Variants in B3GALT1 observed in about 807,000 individuals in gnomAD.
B3GALT1 encodes the protein UDP-Gal:betaGlcNAc beta 1,3-galactosyltransferase, polypeptide 1.
B3GALT1 carries 10 observed loss-of-function variants against 23.2 expected under a neutral mutation model. The ratio of observed to expected loss-of-function variants is 0.43; its 90% CI spans 0.27 to 0.73. B3GALT1 has a LOEUF of 0.73. B3GALT1 is among the 30% of genes least tolerant of loss of function. The pLI is 0.21. For synonymous variants in B3GALT1, 156 were observed against 141.5 expected, an observed-to-expected ratio of 1.10 and a Z score of -0.73; for missense variants, 299 against 405.4, an observed-to-expected ratio of 0.74 and a Z score of 2.25.
At chr2:167,613,143 A>C (rs1685100444) in intron 2 of B3GALT1, among the ~76,000 whole-genome samples, 2 of 151,982 alleles carry the variant, frequency 1.3e-5, no homozygotes, top group African/African-American at 4.8e-5. Context: ...AAAGTCTTAT[A>C]AATGTTCACA....
At chr2:167,813,721 G>A (rs1209199238) in intron 3 of B3GALT1, among the ~76,000 whole-genome samples, 1 of 152,152 alleles carries the variant, frequency 6.6e-6, no homozygotes, top group African/African-American at 2.4e-5. Context: ...TCTGATACAT[G>A]TGCAGCTTTG....
At chr2:167,848,356 T>G (rs1305988602) in intron 4 of B3GALT1, among the ~76,000 whole-genome samples, 1 of 152,144 alleles carries the variant, frequency 6.6e-6, no homozygotes, top group Non-Finnish European at 1.5e-5. Context: ...AAATACTAGC[T>G]AACCAAATCC....
intron 3 of B3GALT1, among the ~76,000 whole-genome samples, chr2:167,747,199 G>A (rs13426397): frequency 0.18 from 27,520 of 152,024 alleles, 2,609 homozygotes; most frequent in Non-Finnish European, 0.22. Flanking sequence ...GAGAGTCTCC[G>A]GTACTCTTAG....
intron 3 of B3GALT1, among the ~76,000 whole-genome samples, chr2:167,771,194 G>T (rs934584290): frequency 6.6e-6 from 1 of 152,180 alleles, no homozygotes; most frequent in Non-Finnish European, 1.5e-5. Flanking sequence ...ATGTGGTAAC[G>T]TGAAAGCGTC....
chr2:167,608,654 T>A (rs1364398310), intron 2 of B3GALT1, among the ~76,000 whole-genome samples: 1 of 152,180 alleles, frequency 6.6e-6, no homozygotes, highest in Non-Finnish European at 1.5e-5. Context: ...CCAATATTTG[T>A]TAAGGTACAT....
chr2:167,420,075 A>T (rs543546252), intron 1 of B3GALT1, among the ~76,000 whole-genome samples: 30 of 152,328 alleles, frequency 2.0e-4, no homozygotes, highest in African/African-American at 7.2e-4. Context: ...TTAGAGCATC[A>T]TTCCAAAGTG....
chr2:167,429,846 T>G (rs1698682584), intron 1 of B3GALT1, among the ~76,000 whole-genome samples: 1 of 152,238 alleles, frequency 6.6e-6, no homozygotes, highest in Non-Finnish European at 1.5e-5. Context: ...GACAAATTTA[T>G]GTTAGCCTCT....
chr2:167,787,074 T>C (rs1285178626), intron 3 of B3GALT1, among the ~76,000 whole-genome samples: 1 of 152,210 alleles, frequency 6.6e-6, no homozygotes, highest in Non-Finnish European at 1.5e-5. Flanking sequence ...CGTCTGTATT[T>C]TGACCAGCTA....
intron 3 of B3GALT1, among the ~76,000 whole-genome samples, chr2:167,685,159 C>A (rs1408007107): frequency 1.3e-5 from 2 of 152,152 alleles, no homozygotes; most frequent in Admixed American, 1.3e-4. Flanking sequence ...TGCCATGGAG[C>A]CTCCCTTTAA....
intron 3 of B3GALT1, among the ~76,000 whole-genome samples, chr2:167,794,289 A>G (rs1169481945): frequency 6.6e-6 from 1 of 152,228 alleles, no homozygotes; most frequent in Non-Finnish European, 1.5e-5. Context: ...TAATGAATGT[A>G]TGTTTTATTC....
At chr2:167,616,285 G>A (rs1685160389) in intron 2 of B3GALT1, among the ~76,000 whole-genome samples, 1 of 152,060 alleles carries the variant, frequency 6.6e-6, no homozygotes, top group Non-Finnish European at 1.5e-5. Context: ...GGGCAATTTT[G>A]CAAACTGTAT....
rs151099152 is a variant in B3GALT1 at position 167,572,595 on chromosome 2, G to A, written c.-409-74314G>A. ...AGATTGGAAGTCATGAATATTTAAGGAAAGCTGTGTGTCTGCTTGCATATC... is the reference window on the plus strand; with the variant it reads ...AGATTGGAAGTCATGAATATTTAAGAAAAGCTGTGTGTCTGCTTGCATATC... On this transcript the variant is annotated intron_variant, in intron 2 of 4. Transcript: ENST00000392690. Among the ~76,000 whole-genome samples the A allele has an allele frequency of 8.7e-4, 132 of 151,810 alleles. No homozygotes were observed. The Middle Eastern group carries it at 0.027, about 31-fold the overall frequency.
intron 1 of B3GALT1, among the ~76,000 whole-genome samples, chr2:167,347,016 TTG>T (rs946465666): frequency 6.6e-6 from 1 of 152,216 alleles, no homozygotes; most frequent in Non-Finnish European, 1.5e-5. Flanking sequence ...ACAAAATATA[TTG>T]TGTTTTGATA....
intron 1 of B3GALT1, among the ~76,000 whole-genome samples, chr2:167,328,532 T>C (rs1171211078): frequency 6.6e-6 from 1 of 152,180 alleles, no homozygotes; most frequent in African/African-American, 2.4e-5. Flanking sequence ...GAAGATCTTT[T>C]GTATTTCTGT....
chr2:167,634,448 G>A (rs10181074), intron 2 of B3GALT1, among the ~76,000 whole-genome samples: 77,944 of 151,750 alleles, frequency 0.51, 23,018 homozygotes, highest in Non-Finnish European at 0.69. Context: ...TTGATAGACC[G>A]CTAACCAGAA....
intron 3 of B3GALT1, among the ~76,000 whole-genome samples, chr2:167,793,960 T>C (rs1688494579): frequency 6.6e-6 from 1 of 152,174 alleles, no homozygotes; most frequent in Admixed American, 6.5e-5. Context: ...GCTGATTCCC[T>C]TTTTTCTTCA....
chr2:167,443,951 C>T (rs989608734), intron 1 of B3GALT1, among the ~76,000 whole-genome samples: 19 of 152,200 alleles, frequency 1.2e-4, no homozygotes, highest in African/African-American at 3.6e-4. Context: ...GTGCCAGTTT[C>T]CAAAGGGAAT....
intron 3 of B3GALT1, among the ~76,000 whole-genome samples, chr2:167,728,816 T>C (rs78414977): frequency 0.013 from 1,968 of 152,326 alleles, 41 homozygotes; most frequent in African/African-American, 0.045. Flanking sequence ...AAAATTTCTC[T>C]AATTGGGGCT....
At chr2:167,671,279 C>T (rs1686321752) in intron 3 of B3GALT1, among the ~76,000 whole-genome samples, 1 of 151,980 alleles carries the variant, frequency 6.6e-6, no homozygotes, top group Non-Finnish European at 1.5e-5. Flanking sequence ...AATAAGGAAA[C>T]AGTGGGAGGA....
Sources: allele counts gnomAD v4.1 joint callset (sites outside exome capture counted in the v4.1 genomes callset), GRCh38; gene constraint gnomAD v4.1.1; transcripts MANE v1.5; gene names NCBI Gene and HGNC (gene_info 2026-07-23, HGNC 2026-07-21).